The following IFT57 variants were observed in gnomAD, a reference collection of about 807,000 sequenced individuals.
IFT57 encodes the protein intraflagellar transport 57.
IFT57 carries 59 observed loss-of-function variants against 56.8 expected under a neutral mutation model. That is an observed-to-expected ratio of 1.04 (90% CI 0.84 to 1.29). The LOEUF is 1.29. Among genes scored for constraint, IFT57 ranks in the 50% most tolerant of loss-of-function variants. IFT57 has a pLI of 0.00. For synonymous variants in IFT57, 209 were observed against 186.1 expected, an observed-to-expected ratio of 1.12 and a Z score of -1.00; for missense variants, 470 against 522.1, an observed-to-expected ratio of 0.90 and a Z score of 0.97.
intron 6 of IFT57, among the ~76,000 whole-genome samples, chr3:108,169,284 T>C (rs538839528): frequency 5.7e-4 from 86 of 152,178 alleles, no homozygotes; most frequent in Non-Finnish European, 1.1e-3. Flanking sequence ...GCCACATAAA[T>C]GTCTTCTTCT....
intron 5 of IFT57, among the ~76,000 whole-genome samples, chr3:108,203,981 T>C (rs1301639987): frequency 6.6e-6 from 1 of 152,208 alleles, no homozygotes; most frequent in Non-Finnish European, 1.5e-5. Context: ...TAGTGAAGAA[T>C]TCATCATGCT....
chr3:108,163,841 A>T, intron 9 of IFT57, 112 bp from the exon 10 acceptor site: 1 of 655,598 alleles, frequency 1.5e-6, no homozygotes, highest in South Asian at 1.8e-5. Flanking sequence ...ATAGAAAAAT[A>T]AAGATATTAG....
chr3:108,163,826 C>A, intron 9 of IFT57, 97 bp from the exon 10 acceptor site: 2 of 689,648 alleles, frequency 2.9e-6, no homozygotes, highest in Admixed American at 2.5e-5. Flanking sequence ...ATATTAGCCA[C>A]ACATATAGAA....
Position 108,166,871 on chromosome 3 carries a change from G to T in IFT57, c.964C>A (p.Gln322Lys), listed in dbSNP as rs764185045. 1.9e-6 allele frequency: 3 copies of T among 1,610,902 alleles called. No homozygotes were observed. Among genetic ancestry groups the T allele is most frequent in the Non-Finnish European group, 2.5e-6 (3 of 1,178,342 alleles). Residue 322 changes from glutamine (Q) to lysine (K), a missense_variant, in exon 8 of 11, where the codon CAA becomes AAA. By Grantham distance (53) the Gln-to-Lys change is moderately conservative. Coordinates refer to ENST00000264538, the MANE Select transcript of IFT57 (RefSeq NM_018010.4). ...TAAATTACCTCACTCAGCTGGGCTT[G>T]AGCTGCACGATATTCTTGAACCAAA... ...ENLVQEYRAAQAQLSEAKERY... is the reference protein window; with the variant it reads ...ENLVQEYRAAKAQLSEAKERY...
chr3:108,179,144 T>TG (rs1461047295), intron 6 of IFT57, among the ~76,000 whole-genome samples: 2 of 151,844 alleles, frequency 1.3e-5, no homozygotes, highest in African/African-American at 4.8e-5. Context: ...AGCAAGGCCC[T>TG]GGGGGATCTG....
intron 5 of IFT57, among the ~76,000 whole-genome samples, chr3:108,200,306 A>T (rs1055304447): frequency 6.6e-6 from 1 of 152,204 alleles, no homozygotes; most frequent in Non-Finnish European, 1.5e-5. Context: ...TGAAAAGAAC[A>T]TGGCCTTGCA....
At chr3:108,172,188 A>G (rs866724440) in intron 6 of IFT57, among the ~76,000 whole-genome samples, 7 of 151,986 alleles carry the variant, frequency 4.6e-5, no homozygotes, top group Admixed American at 1.3e-4. Flanking sequence ...TCGAAGCATG[A>G]GTAGCATTTC....
chr3:108,182,032 T>A (rs188991), intron 6 of IFT57, among the ~76,000 whole-genome samples: 149,864 of 152,166 alleles, frequency 0.98, 73,852 homozygotes, highest in East Asian at 1. Flanking sequence ...TAGGCCACAG[T>A]TTATATATAT....
chr3:108,194,933 C>G (rs2080235605), intron 5 of IFT57, among the ~76,000 whole-genome samples: 1 of 152,098 alleles, frequency 6.6e-6, no homozygotes, highest in Non-Finnish European at 1.5e-5. Context: ...AGTAAGACCT[C>G]AAAAGCACAG....
intron 5 of IFT57, among the ~76,000 whole-genome samples, chr3:108,192,838 G>GT (rs920339549): frequency 1.3e-5 from 2 of 151,424 alleles, no homozygotes; most frequent in Admixed American, 6.6e-5. Context: ...ACATGGCATG[G>GT]TTTTTTTTAA....
intron 6 of IFT57, among the ~76,000 whole-genome samples, chr3:108,168,718 C>T (rs1223239137): frequency 6.6e-6 from 1 of 152,018 alleles, no homozygotes; most frequent in Non-Finnish European, 1.5e-5. Context: ...TTGTTCAACT[C>T]CCACTTATGA....
At chr3:108,192,837 GGTTT>G (rs776614574) in intron 5 of IFT57, among the ~76,000 whole-genome samples, 44 of 151,770 alleles carry the variant, frequency 2.9e-4, no homozygotes, top group Non-Finnish European at 5.9e-4. Flanking sequence ...GACATGGCAT[GGTTT>G]TTTTTAAAAG....
chr3:108,212,593 AT>A (rs1189782513), intron 4 of IFT57, among the ~76,000 whole-genome samples: 4 of 125,688 alleles, frequency 3.2e-5, no homozygotes, highest in African/African-American at 1.1e-4. Context: ...TCTTTTCTTT[AT>A]AACTTACCCA....
At chr3:108,207,062 T>C (rs1223837942) in intron 4 of IFT57, among the ~76,000 whole-genome samples, 1 of 152,082 alleles carries the variant, frequency 6.6e-6, no homozygotes, top group Non-Finnish European at 1.5e-5. Context: ...TAGAGGGAAT[T>C]AATGGATATT....
At chr3:108,174,034 G>GTA (rs2080110728) in intron 6 of IFT57, among the ~76,000 whole-genome samples, 1 of 150,714 alleles carries the variant, frequency 6.6e-6, no homozygotes, top group Admixed American at 6.6e-5. Context: ...GTGTGTGTGT[G>GTA]TGTGTGTGTG....
In IFT57 at chr3:108,176,673, C is replaced by T. The variant is rs147720765; in HGVS notation, c.778-8809G>A. Among the ~76,000 whole-genome samples the T allele has an allele frequency of 4.0e-5, 6 of 151,752 alleles. No individual in the cohort carries two copies. The East Asian group carries it at 7.8e-4, about 20-fold the overall frequency. On this transcript the variant is annotated intron_variant, in intron 6 of 10. Transcript: ENST00000264538. Reference sequence around the variant, plus strand: ...TTACTAAAACAAGGATAAATAAGTCCCAAAGAAGGATTTATAGGACTCTCC... The same window carrying T: ...TTACTAAAACAAGGATAAATAAGTCTCAAAGAAGGATTTATAGGACTCTCC...
At chr3:108,200,237 T>G (rs1049560392) in intron 5 of IFT57, among the ~76,000 whole-genome samples, 1 of 151,952 alleles carries the variant, frequency 6.6e-6, no homozygotes, top group Admixed American at 6.6e-5. Flanking sequence ...GGGGTGGGAT[T>G]GAAAGAGGAA....
chr3:108,180,626 G>A (rs2080146648), intron 6 of IFT57, among the ~76,000 whole-genome samples: 1 of 151,788 alleles, frequency 6.6e-6, no homozygotes, highest in Non-Finnish European at 1.5e-5. Flanking sequence ...ATTGTTACTT[G>A]GTAGAAGGAA....
intron 6 of IFT57, among the ~76,000 whole-genome samples, chr3:108,172,811 T>C (rs973866226): frequency 1.1e-4 from 16 of 151,854 alleles, no homozygotes; most frequent in Non-Finnish European, 1.9e-4. Flanking sequence ...GCAGAGATTT[T>C]AGGGAAGTTA....
Sources: allele counts gnomAD v4.1 joint callset (sites outside exome capture counted in the v4.1 genomes callset), GRCh38; gene constraint gnomAD v4.1.1; transcripts MANE v1.5; gene names NCBI Gene and HGNC (gene_info 2026-07-23, HGNC 2026-07-21).